ZSCAN1: variants seen among roughly 807,000 people sequenced by gnomAD.
The protein encoded by ZSCAN1 is zinc finger and SCAN domain containing 1.
Under a neutral mutation model 23.8 loss-of-function variants are expected in ZSCAN1, and 23 were observed. The observed-to-expected ratio is 0.97, with a 90% CI of 0.70 to 1.37. ZSCAN1 has a LOEUF of 1.37. ZSCAN1 is among the 40% of genes most tolerant of loss of function. The pLI is 0.00. For synonymous variants in ZSCAN1, 236 were observed against 232.3 expected (o/e 1.02, Z -0.15); for missense variants, 575 against 554.0 (o/e 1.04, Z -0.38).
rs1254357343 is a variant in ZSCAN1 at position 58,037,741 on chromosome 19, G to A, written c.-96G>A. On this transcript the variant is annotated 5_prime_UTR_variant, in exon 3 of 6. It removes the in-frame stop codon of an upstream open reading frame in the 5' UTR. Transcript: ENST00000282326. ...CCCTCTCTGCAGGCCCCTGATTGCT[G>A]ATTCTGTCCGCCTGCCACACCGGCT... 2.8e-6 allele frequency: 4 copies of A among 1,409,914 alleles called. No homozygotes were observed. In the East Asian group the frequency reaches 1.0e-4, roughly 36 times the overall value. The allele number at this position is 1,409,914 out of a possible 1,614,324, so 87.3% of individuals were successfully genotyped here. A position where few individuals can be genotyped will look rare whatever the true frequency, so the allele number is the denominator to read the frequency against.
At chr19:58,038,854 G>A (rs1278071382) in intron 3 of ZSCAN1, among the ~76,000 whole-genome samples, 1 of 152,260 alleles carries the variant, frequency 6.6e-6, no homozygotes, top group African/African-American at 2.4e-5. Context: ...GAGGCCAAAA[G>A]AGGCAGCCAC....
At chr19:58,050,640 C>A (rs1254131320) in intron 4 of ZSCAN1, among the ~76,000 whole-genome samples, 1 of 151,714 alleles carries the variant, frequency 6.6e-6, no homozygotes, top group African/African-American at 2.4e-5. Flanking sequence ...CCTGCCTCAG[C>A]CTCCCGAGTA....
chr19:58,053,217 A>G lies in ZSCAN1; in HGVS notation c.605-212A>G, dbSNP rs563701273. Among the ~76,000 whole-genome samples, 1 of 152,210 alleles carries G rather than the reference A, an allele frequency of 6.6e-6. No homozygotes were observed. Among genetic ancestry groups the G allele is most frequent in the South Asian group, 2.1e-4 (1 of 4,824 alleles). ...CATGATCCACCTTCCTCGGCCTCCC[A>G]AAGTGCTGGGATTACAGGCATGAGC... is the stretch of plus-strand genomic sequence containing the variant. On this transcript the variant is annotated intron_variant, in intron 5 of 5. Coordinates refer to ENST00000282326, the MANE Select transcript of ZSCAN1 (RefSeq NM_182572.4). This position sits in a 1 kb window ranked among gnomAD's most constrained non-coding sequence, Gnocchi z 5.8.
At position 58,049,710 on chromosome 19, in the gene ZSCAN1, G is replaced by A. The variant is rs2073846870; in HGVS notation, c.466-2780G>A. On this transcript the variant is annotated intron_variant, in intron 4 of 5. Transcript: ENST00000282326. The surrounding 1 kb of genome is among the most constrained non-coding windows in gnomAD (Gnocchi z 4.5). The stretch of plus-strand genomic sequence containing the variant: ...GATCCCATGGGCGTATCTCCCTGAG[G>A]CCCTGGCGGGAATGACTGTTGGAAC... Among the ~76,000 whole-genome samples the A allele has an allele frequency of 6.6e-6, 1 of 152,220 alleles. No homozygotes were observed. The highest frequency in any genetic ancestry group is 2.4e-5 in the African/African-American group (1 of 41,472).
At position 58,054,185 on chromosome 19, in the gene ZSCAN1, G is replaced by C. The variant is rs2073878277; in HGVS notation, c.*134G>C. Reference sequence around the variant, plus strand: ...GGACTCCTCTTGAAGGACACAAGCTGTTTCTCGGAAGACCCTGGACACCTG... The same window carrying C: ...GGACTCCTCTTGAAGGACACAAGCTCTTTCTCGGAAGACCCTGGACACCTG... On this transcript the variant is annotated 3_prime_UTR_variant, in exon 6 of 6. Coordinates refer to ENST00000282326, the MANE Select transcript of ZSCAN1 (RefSeq NM_182572.4). This position sits in a 1 kb window ranked among gnomAD's most constrained non-coding sequence, Gnocchi z 4.2. 8.0e-7 allele frequency: 1 copy of C among 1,248,586 alleles called. No individual in the cohort carries two copies. The highest frequency in any genetic ancestry group is 1.1e-6 in the Non-Finnish European group (1 of 936,286). 77.3% of individuals were successfully genotyped at this position (1,248,586 alleles called of 1,614,324 possible).
At chr19:58,044,497 G>A in intron 4 of ZSCAN1, 1 of 409,430 alleles carries the variant, frequency 2.4e-6, no homozygotes, top group Non-Finnish European at 4.3e-6. Flanking sequence ...CGGCGCCTGA[G>A]GAGCCACCGA....
Position 58,037,728 on chromosome 19 carries a change from G to A in ZSCAN1, c.-109G>A. ...CCTCTGTCCCTGCCCCTCTCTGCAG[G>A]CCCCTGATTGCTGATTCTGTCCGCC... is the stretch of plus-strand genomic sequence containing the variant. On this transcript the variant is annotated splice_region_variant and 5_prime_UTR_variant, in exon 3 of 6. Transcript: ENST00000282326. 7.4e-7 allele frequency: 1 copy of A among 1,354,114 alleles called. No homozygotes were observed. Among genetic ancestry groups the A allele is most frequent in the Non-Finnish European group, 9.7e-7 (1 of 1,028,548 alleles). 83.9% of individuals were successfully genotyped at this position (1,354,114 alleles called of 1,614,324 possible).
chr19:58,052,363 G>T, intron 4 of ZSCAN1, 127 bp from the exon 5 acceptor site: 1 of 1,471,264 alleles, frequency 6.8e-7, no homozygotes, highest in East Asian at 2.3e-5. Flanking sequence ...AACAACAGGC[G>T]CGACACCGCG....
At chr19:58,050,340 G>A (rs2073851398) in intron 4 of ZSCAN1, among the ~76,000 whole-genome samples, 1 of 151,708 alleles carries the variant, frequency 6.6e-6, no homozygotes, top group Admixed American at 6.6e-5. Context: ...GGAGGCTGAG[G>A]CATAAGAATC....
chr19:58,035,044 C>T (rs1049612870), intron 1 of ZSCAN1, among the ~76,000 whole-genome samples: 3 of 152,004 alleles, frequency 2.0e-5, no homozygotes, highest in African/African-American at 7.2e-5. Context: ...GATCTCAGTG[C>T]CCATGCCAGG....
chr19:58,049,606 C>T lies in ZSCAN1; in HGVS notation c.466-2884C>T, dbSNP rs1041078627. Among the ~76,000 whole-genome samples the T allele has an allele frequency of 5.9e-5, 9 of 152,274 alleles. No homozygotes were observed. The highest frequency in any genetic ancestry group is 1.3e-4 in the Admixed American group (2 of 15,300). On this transcript the variant is annotated intron_variant, in intron 4 of 5. Transcript: ENST00000282326. This position sits in a 1 kb window ranked among gnomAD's most constrained non-coding sequence, Gnocchi z 4.5. Reference sequence around the variant, plus strand: ...TCCATTGTTGACTGAAACACCATTACCCCATGGGGAGGGGCTGCCTGAAGC... The same window carrying T: ...TCCATTGTTGACTGAAACACCATTATCCCATGGGGAGGGGCTGCCTGAAGC...
intron 4 of ZSCAN1, among the ~76,000 whole-genome samples, chr19:58,042,703 C>T (rs1246977755): frequency 6.6e-6 from 1 of 152,166 alleles, no homozygotes; most frequent in Non-Finnish European, 1.5e-5. Flanking sequence ...GGCAGATGTG[C>T]TTATCTGACT....
At position 58,045,074 on chromosome 19, in the gene ZSCAN1, C is replaced by T. The variant is rs1314097700; in HGVS notation, c.465+4530C>T. ...AGAGGGTGCTGGGCGAGCTGAGGCA[C>T]TACTACCATGGCTTCCGCCTGCTAC... On this transcript the variant is annotated intron_variant, in intron 4 of 5. Transcript: ENST00000282326. The surrounding 1 kb of genome is among the most constrained non-coding windows in gnomAD (Gnocchi z 4.3). The T allele has an allele frequency of 1.7e-6, 2 of 1,176,472 alleles. No homozygotes were observed. Among genetic ancestry groups the T allele is most frequent in the Middle Eastern group, 3.8e-4 (2 of 5,250 alleles). The allele number at this position is 1,176,472 out of a possible 1,614,324, so 72.9% of individuals were successfully genotyped here.
chr19:58,052,787 G>A (rs1258619489), intron 5 of ZSCAN1, among the ~76,000 whole-genome samples, 159 bp downstream of exon 5: 1 of 152,118 alleles, frequency 6.6e-6, no homozygotes. Flanking sequence ...CTGAGATCTG[G>A]GGCCCCTAGA....
At chr19:58,051,598 G>A (rs192943296) in intron 4 of ZSCAN1, among the ~76,000 whole-genome samples, 8 of 152,102 alleles carry the variant, frequency 5.3e-5, no homozygotes, top group South Asian at 2.1e-4. Flanking sequence ...AGCAGAAAGC[G>A]AAGACCCACT....
rs2073831949 is a variant in ZSCAN1, at chr19:58,047,201, G to A, written c.466-5289G>A. On this transcript the variant is annotated intron_variant, in intron 4 of 5. Coordinates refer to ENST00000282326, the MANE Select transcript of ZSCAN1 (RefSeq NM_182572.4). This position sits in a 1 kb window ranked among gnomAD's most constrained non-coding sequence, Gnocchi z 4.9. ...GACACAGCCTGGCCCCCTCAGGGCT[G>A]AAGATGCCTCCATTCACCTGTGGAC... 6.6e-6 allele frequency among the ~76,000 whole-genome samples: 1 copy of A among 152,234 alleles called. No individual in the cohort carries two copies. Among genetic ancestry groups the A allele is most frequent in the Non-Finnish European group, 1.5e-5 (1 of 68,046 alleles).
chr19:58,044,633 A>G lies in ZSCAN1; in HGVS notation c.465+4089A>G. ...GAGCTGCCGCGGCTGGGCGCCCGCC[A>G]GCCTCCCGCCGCCGCCTCGGGTCAC... is the stretch of plus-strand genomic sequence containing the variant. On this transcript the variant is annotated intron_variant, in intron 4 of 5. Coordinates refer to ENST00000282326, the MANE Select transcript of ZSCAN1 (RefSeq NM_182572.4). The G allele has an allele frequency of 1.9e-6, 2 of 1,063,458 alleles. 1 individual carries two copies. The highest frequency in any genetic ancestry group is 2.8e-6 in the Non-Finnish European group (2 of 715,872). The allele number at this position is 1,063,458 out of a possible 1,614,324, so 65.9% of individuals were successfully genotyped here.
chr19:58,044,413 T>TC (rs2073810132), intron 4 of ZSCAN1, among the ~76,000 whole-genome samples: 1 of 151,754 alleles, frequency 6.6e-6, no homozygotes, highest in African/African-American at 2.4e-5. Context: ...ATTAAACCTT[T>TC]TTAAAAACCA....
intron 4 of ZSCAN1, among the ~76,000 whole-genome samples, chr19:58,050,807 C>T (rs1288662164): frequency 6.6e-6 from 1 of 152,204 alleles, no homozygotes; most frequent in Non-Finnish European, 1.5e-5. Context: ...GCGTGAGCCA[C>T]CACGCCTGGC....
Sources: gnomAD v4.1 joint callset for allele counts (sites outside exome capture counted in the v4.1 genomes callset) on GRCh38, gnomAD v4.1.1 for gene constraint, Gnocchi (gnomAD v3.1) non-coding constraint, MANE v1.5 for transcripts, NCBI Gene and HGNC (gene_info 2026-07-23, HGNC 2026-07-21) for gene names.